Variants in TRIM69 observed in about 807,000 individuals in gnomAD.
TRIM69 encodes tripartite motif containing 69.
A neutral mutation model predicts 37.7 loss-of-function variants in TRIM69; 29 were observed. That is an observed-to-expected ratio of 0.77 (90% confidence interval 0.57 to 1.05). The LOEUF is 1.05. Among genes scored for constraint, TRIM69 ranks in the 50% least tolerant of loss-of-function variants. The pLI, the probability that TRIM69 is intolerant of heterozygous loss-of-function variation, is 0.00. For missense variants in TRIM69, 596 were observed against 579.9 expected (o/e 1.03, Z -0.28); for synonymous variants, 209 against 212.4 (o/e 0.98, Z 0.14).
At chr15:44,751,265 G>A (rs146444235) in intron 1 of TRIM69, among the ~76,000 whole-genome samples, 1,816 of 151,852 alleles carry the variant, frequency 0.012, 42 homozygotes, top group African/African-American at 0.042. Flanking sequence ...ACAGGTGCTC[G>A]CTACCACGCC....
At chr15:44,746,808 G>A (rs1235541575) in intron 1 of TRIM69, among the ~76,000 whole-genome samples, 1 of 151,992 alleles carries the variant, frequency 6.6e-6, no homozygotes, top group Non-Finnish European at 1.5e-5. Flanking sequence ...AAACGTTAAA[G>A]TGTCAATAAC....
chr15:44,746,145 G>C (rs1321712102), intron 1 of TRIM69, among the ~76,000 whole-genome samples: 1 of 152,110 alleles, frequency 6.6e-6, no homozygotes, highest in Admixed American at 6.5e-5. Flanking sequence ...GTACAAGAGA[G>C]CCTCAATAAG....
intron 1 of TRIM69, among the ~76,000 whole-genome samples, chr15:44,741,073 T>C (rs1431854005): frequency 6.9e-6 from 1 of 144,838 alleles, no homozygotes; most frequent in Non-Finnish European, 1.5e-5. Context: ...GAAGTAAAGC[T>C]CTCCTCAGCA....
intron 1 of TRIM69, among the ~76,000 whole-genome samples, chr15:44,739,935 G>A (rs1282087516): frequency 6.6e-6 from 1 of 150,406 alleles, no homozygotes; most frequent in Non-Finnish European, 1.5e-5. Context: ...TCCTCAAGTG[G>A]GTCCCTGACC....
intron 1 of TRIM69, among the ~76,000 whole-genome samples, chr15:44,742,902 T>C (rs376855219): frequency 9.9e-5 from 15 of 151,330 alleles, no homozygotes; most frequent in African/African-American, 3.6e-4. Flanking sequence ...AGGTAATTTA[T>C]AGATTCAATG....
intron 1 of TRIM69, among the ~76,000 whole-genome samples, chr15:44,748,314 G>T (rs2444004): frequency 0.28 from 42,657 of 152,012 alleles, 7,902 homozygotes; most frequent in Non-Finnish European, 0.39. Context: ...GCAGCTCTTG[G>T]GCAGAGCCTC....
rs2087619889 is a variant in TRIM69, at chr15:44,755,238, C to A, written c.345C>A (p.Cys115Ter). Residue 115 changes from cysteine (C) to a stop codon, truncating the protein, a stop_gained, in exon 2 of 7, where the codon TGC (cysteine) becomes TGA (stop). Coordinates refer to ENST00000329464, the MANE Select transcript of TRIM69 (RefSeq NM_182985.5). LOFTEE classifies it high-confidence loss of function. ...KLPLLKGHPQ[C>*]PEHGENLKLF... ...CCTTACTCAAGGGCCATCCACAGTG[C>A]CCAGAGCATGGAGAGAACCTGAAAC... 1.2e-6 allele frequency: 2 copies of A among 1,614,036 alleles called. No individual in the cohort carries two copies. Among genetic ancestry groups the A allele is most frequent in the Admixed American group, 1.7e-5 (1 of 60,000 alleles).
At chr15:44,752,578 C>G (rs980567128) in intron 1 of TRIM69, among the ~76,000 whole-genome samples, 10 of 152,100 alleles carry the variant, frequency 6.6e-5, no homozygotes, top group African/African-American at 2.4e-4. Context: ...TATCCATTTT[C>G]CTAATCTGTG....
At chr15:44,762,159 G>A (rs947560955) in intron 6 of TRIM69, among the ~76,000 whole-genome samples, 1 of 151,998 alleles carries the variant, frequency 6.6e-6, no homozygotes, top group Non-Finnish European at 1.5e-5. Context: ...GTAGAGATGG[G>A]GTTTCACCAT....
intron 1 of TRIM69, among the ~76,000 whole-genome samples, chr15:44,740,213 T>C (rs1478883710): frequency 6.6e-6 from 1 of 152,050 alleles, no homozygotes. Context: ...AGGACATCCA[T>C]ACCAAAAACC....
intron 1 of TRIM69, among the ~76,000 whole-genome samples, chr15:44,737,712 T>C (rs2087191000): frequency 6.6e-6 from 1 of 152,220 alleles, no homozygotes; most frequent in African/African-American, 2.4e-5. Context: ...GGAGTGTGTC[T>C]TGCTCTTAGG....
In TRIM69 at chr15:44,758,135, G is replaced by A. The variant is rs146419892; in HGVS notation, c.580-486G>A. 340 of 159,254 alleles carry A rather than the reference G, an allele frequency of 2.1e-3. 1 individual carries two copies. The highest frequency in any genetic ancestry group is 8.0e-3 in the African/African-American group (333 of 41,654). 9.9% of individuals were successfully genotyped at this position (159,254 alleles called of 1,614,324 possible). A position where few individuals can be genotyped will look rare whatever the true frequency, so the allele number is the denominator to read the frequency against. On this transcript the variant is annotated intron_variant, in intron 3 of 6. Transcript: ENST00000329464. ...GAATGAGGAACTGAGAAGCCAGGAT[G>A]TCAAATAGTTTAACTGTGAGGATGT...
At chr15:44,749,432 T>A (rs555589102) in intron 1 of TRIM69, among the ~76,000 whole-genome samples, 75 of 152,316 alleles carry the variant, frequency 4.9e-4, no homozygotes, top group Non-Finnish European at 7.8e-4. Flanking sequence ...TGATCTGCTG[T>A]CTCTATAGAC....
At chr15:44,761,084 A>AT (rs1203991231) in intron 6 of TRIM69, among the ~76,000 whole-genome samples, 3 of 151,742 alleles carry the variant, frequency 2.0e-5, no homozygotes, top group East Asian at 3.9e-4. Context: ...TGCCCGGCTA[A>AT]TTTTTTTATA....
chr15:44,752,899 A>T (rs2087565233), intron 1 of TRIM69: 1 of 151,778 alleles, frequency 6.6e-6, no homozygotes, highest in Non-Finnish European at 1.5e-5. Context: ...TACTATAAAA[A>T]CTCTGCTCCT....
intron 1 of TRIM69, among the ~76,000 whole-genome samples, chr15:44,738,995 A>G (rs1386747793): frequency 6.6e-6 from 1 of 152,232 alleles, no homozygotes; most frequent in East Asian, 1.9e-4. Flanking sequence ...CCAGTCAATC[A>G]TATAATATCA....
intron 1 of TRIM69, among the ~76,000 whole-genome samples, chr15:44,751,883 C>A (rs1296347804): frequency 1.3e-5 from 2 of 151,818 alleles, no homozygotes; most frequent in Admixed American, 6.6e-5. Context: ...GTAGCTGGGA[C>A]CACGGACATG....
At chr15:44,765,596 C>T (rs1468226701) in intron 6 of TRIM69, among the ~76,000 whole-genome samples, 1 of 151,440 alleles carries the variant, frequency 6.6e-6, no homozygotes, top group Non-Finnish European at 1.5e-5. Flanking sequence ...ACTAAAATTA[C>T]AAAAAATATC....
intron 1 of TRIM69, among the ~76,000 whole-genome samples, chr15:44,738,234 T>C (rs989070312): frequency 5.3e-4 from 2 of 3,790 alleles, no homozygotes; most frequent in African/African-American, 7.4e-4. Context: ...AATTTTTGTA[T>C]TATTATTTTT....
Sources: gnomAD v4.1 joint callset for allele counts (sites outside exome capture counted in the v4.1 genomes callset) on GRCh38, gnomAD v4.1.1 for gene constraint, MANE v1.5 for transcripts, NCBI Gene and HGNC (gene_info 2026-07-23, HGNC 2026-07-21) for gene names.